The following KCNJ14 variants were observed in gnomAD, a reference collection of about 807,000 sequenced individuals.
KCNJ14 encodes the protein potassium inwardly rectifying channel subfamily J member 14.
In KCNJ14, 18 loss-of-function variants were observed where a neutral mutation model predicts 24.5. The ratio of observed to expected loss-of-function variants is 0.74; its 90% CI spans 0.51 to 1.09. KCNJ14 has a LOEUF of 1.09. KCNJ14 is among the 50% of genes least tolerant of loss of function. KCNJ14 has a pLI of 0.00. For synonymous variants in KCNJ14, 288 were observed against 270.8 expected (o/e 1.06, Z -0.63); for missense variants, 633 against 623.0 (o/e 1.02, Z -0.17).
In KCNJ14 at chr19:48,464,785, T is replaced by C. The variant is rs1971640215; in HGVS notation, c.*8T>C. On this transcript the variant is annotated 3_prime_UTR_variant, in exon 3 of 3. Transcript: ENST00000342291. ...CTGACCCTGCCTCCATGATGCAAAC[T>C]GATGTCCCCTTCCCCGTGTATGCCC... 1 of 1,584,506 alleles carries C rather than the reference T, an allele frequency of 6.3e-7. No homozygotes were observed. Among genetic ancestry groups the C allele is most frequent in the African/African-American group, 1.3e-5 (1 of 74,594 alleles).
At chr19:48,458,008 T>C (rs1399581405) in intron 1 of KCNJ14, among the ~76,000 whole-genome samples, 3 of 152,204 alleles carry the variant, frequency 2.0e-5, no homozygotes, top group African/African-American at 4.8e-5. Flanking sequence ...TCAAGGTTTA[T>C]CCATGTTGTT....
At chr19:48,460,180 C>T (rs1462462545) in intron 1 of KCNJ14, among the ~76,000 whole-genome samples, 2 of 152,170 alleles carry the variant, frequency 1.3e-5, no homozygotes, top group Non-Finnish European at 2.9e-5. Context: ...TGAGCATGGA[C>T]CCTGGAGCTG....
chr19:48,460,691 G>T (rs1971585397), intron 1 of KCNJ14, among the ~76,000 whole-genome samples: 1 of 152,236 alleles, frequency 6.6e-6, no homozygotes, highest in South Asian at 2.1e-4. Context: ...TGTATAAACA[G>T]TATAATTGAT....
chr19:48,456,991 CTT>C (rs58951400), intron 1 of KCNJ14: 49 of 140,288 alleles, frequency 3.5e-4, no homozygotes, highest in African/African-American at 1.0e-3. Flanking sequence ...CACCTGCCCT[CTT>C]TTTTTTTTTT....
chr19:48,456,626 G>C (rs905759053), intron 1 of KCNJ14: 2 of 152,186 alleles, frequency 1.3e-5, no homozygotes, highest in Non-Finnish European at 2.9e-5. Flanking sequence ...AGAAGCCCCT[G>C]AGGATCCCCA....
Position 48,462,201 on chromosome 19 carries a change from C to A in KCNJ14, c.477C>A (p.Cys159Ter). 2 of 1,556,404 alleles carry A rather than the reference C, an allele frequency of 1.3e-6. No homozygotes were observed. The highest frequency in any genetic ancestry group is 2.7e-5 in the African/African-American group (2 of 73,556). ...GCGTGCGCAGCGTCACCGAGGAGTG[C>A]CCGGCCGCTGTGGCCGCCGTGGTGC... ...GYGVRSVTEE[C>*]PAAVAAVVLQ... The change falls in exon 2 of 3, where the codon TGC becomes TGA. Residue 159 changes from cysteine to a stop codon, truncating the protein, a stop_gained. Coordinates refer to ENST00000342291, the MANE Select transcript of KCNJ14 (RefSeq NM_013348.4). LOFTEE classifies it high-confidence loss of function. The surrounding 1 kb of genome is among the most constrained non-coding windows in gnomAD (Gnocchi z 4.9).
rs981704993 is a variant in KCNJ14, at chr19:48,462,010, T to G, written c.286T>G (p.Ser96Ala). The G allele has an allele frequency of 1.2e-6, 2 of 1,612,934 alleles. No homozygotes were observed. The highest frequency in any genetic ancestry group is 3.3e-5 in the Admixed American group (2 of 60,012). The change falls in exon 2 of 3, where the codon TCC (serine) becomes GCC (alanine). Residue 96 changes from serine (S) to alanine (A), a missense_variant. Transcript: ENST00000342291. This position sits in a 1 kb window ranked among gnomAD's most constrained non-coding sequence, Gnocchi z 4.9. ...CTGGATGTGCCTGCTCTTCTCCTGCTCCTTCCTCGCCTCCTGGCTGCTCTT... is the reference window on the plus strand; with the variant it reads ...CTGGATGTGCCTGCTCTTCTCCTGCGCCTTCCTCGCCTCCTGGCTGCTCTT... Reference protein sequence around the residue: ...WRWMCLLFSCSFLASWLLFGL... With the variant: ...WRWMCLLFSCAFLASWLLFGL...
At chr19:48,459,304 G>C (rs1971569898) in intron 1 of KCNJ14, among the ~76,000 whole-genome samples, 1 of 151,834 alleles carries the variant, frequency 6.6e-6, no homozygotes, top group South Asian at 2.1e-4. Flanking sequence ...GAGTTGCAAG[G>C]GCTCTTTATA....
In KCNJ14 at chr19:48,462,018, CGCCTCCTGGCTGCTCTTCGGCCTG is replaced by C. The variant is rs1569083647; in HGVS notation, c.299_322del (p.Ser100_Ala107del). The C allele has an allele frequency of 1.2e-6, 2 of 1,612,544 alleles. No individual in the cohort carries two copies. Among genetic ancestry groups the C allele is most frequent in the Admixed American group, 1.7e-5 (1 of 59,986 alleles). The stretch of plus-strand genomic sequence containing the variant: ...GCCTGCTCTTCTCCTGCTCCTTCCT[CGCCTCCTGGCTGCTCTTCGGCCTG>C]GCCTTCTGGCTCATTGCCTCGCTGC... On this transcript the variant is annotated inframe_deletion, in exon 2 of 3. Coordinates refer to ENST00000342291, the MANE Select transcript of KCNJ14 (RefSeq NM_013348.4). The surrounding 1 kb of genome is among the most constrained non-coding windows in gnomAD (Gnocchi z 4.9).
Position 48,461,813 on chromosome 19 carries a change from G to C in KCNJ14, c.89G>C (p.Gly30Ala), listed in dbSNP as rs764370441. 1.4e-4 allele frequency: 208 copies of C among 1,499,454 alleles called. No homozygotes were observed. Among genetic ancestry groups the C allele is most frequent in the Non-Finnish European group, 1.8e-4 (205 of 1,127,254 alleles). The allele number at this position is 1,499,454 out of a possible 1,614,324, so 92.9% of individuals were successfully genotyped here. A position where few individuals can be genotyped will look rare whatever the true frequency, so the allele number is the denominator to read the frequency against. Residue 30 changes from glycine (G) to alanine (A), a missense_variant, in exon 2 of 3, where the codon GGG (glycine) becomes GCG (alanine). By Grantham distance (60) the Gly-to-Ala change is moderately conservative. Coordinates refer to ENST00000342291, the MANE Select transcript of KCNJ14 (RefSeq NM_013348.4). ...RAGDEEEAGP[G>A]LCRNGWAPAP... Reference sequence around the variant, plus strand: ...GGCGATGAAGAGGAGGCCGGGCCCGGGTTGTGCCGCAACGGGTGGGCGCCG... The same window carrying C: ...GGCGATGAAGAGGAGGCCGGGCCCGCGTTGTGCCGCAACGGGTGGGCGCCG...
rs568668225 is a variant in KCNJ14, at chr19:48,461,802, G to C, written c.78G>C (p.Glu26Asp). Residue 26 changes from glutamate (E) to aspartate (D), a missense_variant, in exon 2 of 3, where the codon GAG becomes GAC. Glu to Asp is a conservative substitution (Grantham distance 45). Coordinates refer to ENST00000342291, the MANE Select transcript of KCNJ14 (RefSeq NM_013348.4). ...ACAGCCGGGCGGGCGATGAAGAGGA[G>C]GCCGGGCCCGGGTTGTGCCGCAACG... ...SGDSRAGDEE[E>D]AGPGLCRNGW... The C allele has an allele frequency of 7.4e-6, 11 of 1,477,258 alleles. No homozygotes were observed. Among genetic ancestry groups the C allele is most frequent in the Non-Finnish European group, 9.8e-6 (11 of 1,116,864 alleles). 91.5% of individuals were successfully genotyped at this position (1,477,258 alleles called of 1,614,324 possible).
At position 48,464,255 on chromosome 19, in the gene KCNJ14, C is replaced by T. The variant is rs143401327; in HGVS notation, c.789C>T (p.Thr263=). The change falls in exon 3 of 3, where the codon ACC becomes ACT. Residue 263 remains threonine, a synonymous_variant. Transcript: ENST00000342291. ...TGGATGTGGGCTTTGATGGAGGCAC[C>T]GATCGTATCTTCCTCGTGTCCCCCA... ...QDVDVGFDGG[T]DRIFLVSPIT... is the part of the protein sequence containing the mutation. The T allele has an allele frequency of 2.0e-3, 3,194 of 1,614,072 alleles. 27 individuals are homozygous for T. The highest frequency in any genetic ancestry group is 1.6e-3 in the Non-Finnish European group (1,867 of 1,180,014).
Position 48,462,744 on chromosome 19 carries a change from G to A in KCNJ14, c.714+306G>A. On this transcript the variant is annotated intron_variant, in intron 2 of 2. Transcript: ENST00000342291. The surrounding 1 kb of genome is among the most constrained non-coding windows in gnomAD (Gnocchi z 4.9). ...GCCTGGCCTGTCAAGGCTCTGGGCCGTAATTCCCAGAAGCCTCTGGGTCAA... is the reference window on the plus strand; with the variant it reads ...GCCTGGCCTGTCAAGGCTCTGGGCCATAATTCCCAGAAGCCTCTGGGTCAA... Among the ~76,000 whole-genome samples, 1 of 152,228 alleles carries A rather than the reference G, an allele frequency of 6.6e-6. No individual in the cohort carries two copies. The highest frequency in any genetic ancestry group is 1.9e-4 in the East Asian group (1 of 5,202).
In KCNJ14 at chr19:48,464,790, TCCCCTTCCCCGTGTATGC is replaced by T; in HGVS notation, c.*24_*41del. The T allele has an allele frequency of 6.4e-7, 1 of 1,573,942 alleles. No homozygotes were observed. Among genetic ancestry groups the T allele is most frequent in the South Asian group, 1.1e-5 (1 of 90,322 alleles). On this transcript the variant is annotated 3_prime_UTR_variant, in exon 3 of 3. Coordinates refer to ENST00000342291, the MANE Select transcript of KCNJ14 (RefSeq NM_013348.4). ...CCTGCCTCCATGATGCAAACTGATGTCCCCTTCCCCGTGTATGCCCCCTTCCCCAAGGTAGCAAGATGG... is the reference window on the plus strand; with the variant it reads ...CCTGCCTCCATGATGCAAACTGATGTCCCCTTCCCCAAGGTAGCAAGATGG...
chr19:48,464,679 G>T lies in KCNJ14; in HGVS notation c.1213G>T (p.Asp405Tyr), dbSNP rs760390648. Residue 405 changes from aspartate (D) to tyrosine (Y), a missense_variant, in exon 3 of 3, where the codon GAC (aspartate) becomes TAC (tyrosine). Asp to Tyr is a radical substitution (Grantham distance 160). Transcript: ENST00000342291. Reference protein sequence around the residue: ...ALSCCQEEDEDDETEEGNGVE... With the variant: ...ALSCCQEEDEYDETEEGNGVE... ...GAGCTGCTGCCAGGAGGAAGATGAG[G>T]ACGATGAGACTGAGGAAGGGAATGG... is the stretch of plus-strand genomic sequence containing the variant. The T allele has an allele frequency of 6.8e-6, 11 of 1,613,842 alleles. No individual in the cohort carries two copies. The highest frequency in any genetic ancestry group is 9.3e-6 in the Non-Finnish European group (11 of 1,180,036).
At position 48,464,765 on chromosome 19, in the gene KCNJ14, C is replaced by A; in HGVS notation, c.1299C>A (p.Thr433=). 1 of 1,602,706 alleles carries A rather than the reference C, an allele frequency of 6.2e-7. No individual in the cohort carries two copies. The highest frequency in any genetic ancestry group is 2.2e-5 in the East Asian group (1 of 44,854). The part of the protein sequence containing the change: ...PRVLTPTLAL[T]LPP ...TTCTCACACCAACCCTGGCGCTGAC[C>A]CTGCCTCCATGATGCAAACTGATGT... The change falls in exon 3 of 3, where the codon ACC becomes ACA. Residue 433 remains threonine, a synonymous_variant. Coordinates refer to ENST00000342291, the MANE Select transcript of KCNJ14 (RefSeq NM_013348.4).
At chr19:48,461,566 C>T in intron 1 of KCNJ14, 104 bp from the exon 2 acceptor site, 1 of 403,354 alleles carries the variant, frequency 2.5e-6, no homozygotes, top group Non-Finnish European at 4.3e-6. Context: ...ATCGTTCCAC[C>T]TATTTGACAG....
At chr19:48,458,976 C>T (rs1338490205) in intron 1 of KCNJ14, among the ~76,000 whole-genome samples, 1 of 136,464 alleles carries the variant, frequency 7.3e-6, no homozygotes, top group Non-Finnish European at 1.5e-5. Flanking sequence ...GGTGGTGGCT[C>T]ACGCCTGTAA....
At chr19:48,456,633 C>A (rs1157393058) in intron 1 of KCNJ14, 1 of 152,152 alleles carries the variant, frequency 6.6e-6, no homozygotes, top group East Asian at 1.9e-4. Context: ...CCTGAGGATC[C>A]CCAGGTTCCA....
Sources: gnomAD v4.1 joint callset for allele counts (sites outside exome capture counted in the v4.1 genomes callset) on GRCh38, gnomAD v4.1.1 for gene constraint, Gnocchi (gnomAD v3.1) non-coding constraint, MANE v1.5 for transcripts, NCBI Gene and HGNC (gene_info 2026-07-23, HGNC 2026-07-21) for gene names.